Variants in GJC1 observed in about 807,000 individuals in gnomAD.
GJC1 encodes the protein gap junction gamma-1 protein.
In GJC1, 5 loss-of-function variants were observed where a neutral mutation model predicts 29.3. The ratio of observed to expected loss-of-function variants is 0.17; its 90% CI spans 0.09 to 0.36. The LOEUF (loss-of-function observed/expected upper bound fraction) is 0.36. Ranked by LOEUF, GJC1 falls within the 10% of genes least tolerant of loss-of-function variation. GJC1 has a pLI of 1.00. For missense variants in GJC1, 310 were observed against 496.2 expected (o/e 0.62, Z 3.56); for synonymous variants, 177 against 183.3 (o/e 0.97, Z 0.28).
chr17:44,828,076 A>T (rs2050195126), intron 1 of GJC1, among the ~76,000 whole-genome samples: 2 of 152,206 alleles, frequency 1.3e-5, no homozygotes, highest in African/African-American at 4.8e-5. Flanking sequence ...TTGATAGGCA[A>T]GCCTGGACCT....
intron 1 of GJC1, among the ~76,000 whole-genome samples, chr17:44,828,165 T>G (rs1168135012): frequency 2.0e-5 from 3 of 152,164 alleles, no homozygotes; most frequent in East Asian, 1.9e-4. Context: ...AGAATAAAAT[T>G]TAATTGACAA....
chr17:44,811,077 TTC>T (rs1380407137), intron 1 of GJC1, among the ~76,000 whole-genome samples: 1 of 151,412 alleles, frequency 6.6e-6, no homozygotes, highest in Non-Finnish European at 1.5e-5. Flanking sequence ...CCAATATAAT[TTC>T]TTTCTTTTTT....
downstream of GJC1, among the ~76,000 whole-genome samples, chr17:44,797,381 A>T (rs2145275366): frequency 6.6e-6 from 1 of 152,300 alleles, no homozygotes; most frequent in East Asian, 1.9e-4. Flanking sequence ...GTATGTTAAT[A>T]GCATTCCTGT....
Position 44,801,416 on chromosome 17 carries a change from C to T in GJC1, c.*3211G>A, listed in dbSNP as rs1201096928. The T allele has an allele frequency of 6.6e-6, 1 of 152,144 alleles. No individual in the cohort carries two copies. The highest frequency in any genetic ancestry group is 1.5e-5 in the Non-Finnish European group (1 of 68,026). 9.4% of individuals were successfully genotyped at this position (152,144 alleles called of 1,614,324 possible). Reference sequence around the variant, plus strand: ...ACTCAACTTGTATTTGGAGGAGAAGCAAGTGTCATGATGGAGCATGTCTTA... The same window carrying T: ...ACTCAACTTGTATTTGGAGGAGAAGTAAGTGTCATGATGGAGCATGTCTTA... On this transcript the variant is annotated 3_prime_UTR_variant, in exon 3 of 3. Coordinates refer to ENST00000592524, the MANE Select transcript of GJC1 (RefSeq NM_005497.4).
rs2049908006 is a variant in GJC1, at chr17:44,805,937, T to C, written c.-20-100A>G. ...TCTAGGAACTACTGCTTTGAATACT[T>C]GAAATCTAACCTCAAGGTTCACAGT... On this transcript the variant is annotated intron_variant, in intron 2 of 2. Transcript: ENST00000592524. This position sits in a 1 kb window ranked among gnomAD's most constrained non-coding sequence, Gnocchi z 5.1. 1.6e-6 allele frequency: 1 copy of C among 636,852 alleles called. No individual in the cohort carries two copies. Among genetic ancestry groups the C allele is most frequent in the Non-Finnish European group, 2.7e-6 (1 of 372,360 alleles). 39.5% of individuals were successfully genotyped at this position (636,852 alleles called of 1,614,324 possible).
intron 1 of GJC1, among the ~76,000 whole-genome samples, chr17:44,823,660 C>G (rs2050137984): frequency 6.6e-6 from 1 of 151,892 alleles, no homozygotes; most frequent in African/African-American, 2.4e-5. Context: ...GCCATGACCT[C>G]CAGAAGAGCT....
Position 44,804,515 on chromosome 17 carries a change from A to G in GJC1, c.*112T>C. The G allele has an allele frequency of 1.2e-6, 1 of 868,112 alleles. No individual in the cohort carries two copies. The highest frequency in any genetic ancestry group is 1.8e-6 in the Non-Finnish European group (1 of 552,354). The allele number at this position is 868,112 out of a possible 1,614,324, so 53.8% of individuals were successfully genotyped here. ...TCCCCTGAGCTTGGATCATGAGCCA[A>G]CAGCATCCCTGAAGATAACCAGAGC... On this transcript the variant is annotated 3_prime_UTR_variant, in exon 3 of 3. Coordinates refer to ENST00000592524, the MANE Select transcript of GJC1 (RefSeq NM_005497.4).
intron 1 of GJC1, among the ~76,000 whole-genome samples, chr17:44,816,558 A>G (rs1358021655): frequency 6.6e-6 from 1 of 152,062 alleles, no homozygotes; most frequent in African/African-American, 2.4e-5. Flanking sequence ...CTGGAGTGCA[A>G]TGGCGAAGTC....
intron 1 of GJC1, among the ~76,000 whole-genome samples, chr17:44,812,440 A>G (rs1421220280): frequency 1.3e-5 from 2 of 152,204 alleles, no homozygotes; most frequent in Non-Finnish European, 2.9e-5. Flanking sequence ...CCTACTGTTC[A>G]AGATCATTGC....
At chr17:44,812,687 G>A (rs56768173) in intron 1 of GJC1, among the ~76,000 whole-genome samples, 4,959 of 150,952 alleles carry the variant, frequency 0.033, 169 homozygotes, top group African/African-American at 0.068. Context: ...TCTCACTGTC[G>A]CCCAGGCTGG....
At position 44,802,360 on chromosome 17, in the gene GJC1, C is replaced by T. The variant is rs1429702447; in HGVS notation, c.*2267G>A. On this transcript the variant is annotated 3_prime_UTR_variant, in exon 3 of 3. Transcript: ENST00000592524. ...TGAAGAGATAACACAAATGTATGGA[C>T]ACTTTTTGTCCTTCAATTAAAAAAC... 6.6e-6 allele frequency: 1 copy of T among 152,176 alleles called. No individual in the cohort carries two copies. Among genetic ancestry groups the T allele is most frequent in the East Asian group, 1.9e-4 (1 of 5,202 alleles). The allele number at this position is 152,176 out of a possible 1,614,324, so 9.4% of individuals were successfully genotyped here.
At chr17:44,826,034 C>G (rs112854298) in intron 1 of GJC1, among the ~76,000 whole-genome samples, 1 of 152,058 alleles carries the variant, frequency 6.6e-6, no homozygotes, top group South Asian at 2.1e-4. Flanking sequence ...CATTTGCCTG[C>G]CTCAGCCTCC....
In GJC1 at chr17:44,816,099, C is replaced by T. The variant is rs1289676855; in HGVS notation, c.-96-8630G>A. ...CTGCACTCCAGCCTGGGTGACAGAGCGACACTCCGTCTCAAAAAAAAAAAA... is the reference window on the plus strand; with the variant it reads ...CTGCACTCCAGCCTGGGTGACAGAGTGACACTCCGTCTCAAAAAAAAAAAA... On this transcript the variant is annotated intron_variant, in intron 1 of 2. Coordinates refer to ENST00000592524, the MANE Select transcript of GJC1 (RefSeq NM_005497.4). Among the ~76,000 whole-genome samples, 8 of 116,108 alleles carry T rather than the reference C, an allele frequency of 6.9e-5. No homozygotes were observed. The Admixed American group carries it at 7.6e-4, about 11-fold the overall frequency. 76.2% of individuals were successfully genotyped at this position (116,108 alleles called of 152,430 possible).
Position 44,804,598 on chromosome 17 carries a change from GA to G in GJC1, c.*28del, listed in dbSNP as rs762061074. 14 of 1,515,626 alleles carry G rather than the reference GA, an allele frequency of 9.2e-6. No individual in the cohort carries two copies. Among genetic ancestry groups the G allele is most frequent in the Non-Finnish European group, 1.3e-5 (14 of 1,104,208 alleles). The allele number at this position is 1,515,626 out of a possible 1,614,324, so 93.9% of individuals were successfully genotyped here. On this transcript the variant is annotated 3_prime_UTR_variant, in exon 3 of 3. Coordinates refer to ENST00000592524, the MANE Select transcript of GJC1 (RefSeq NM_005497.4). ...TGAGCTGCTGCTTACCATAAACTAT[GA>G]AAAGCACAGGTTTTAAGCCCGCCAG...
chr17:44,806,939 C>T (rs2049919762), intron 2 of GJC1, among the ~76,000 whole-genome samples: 1 of 152,114 alleles, frequency 6.6e-6, no homozygotes. Flanking sequence ...TCATTAAGAA[C>T]TAAAACAAAA....
At chr17:44,797,024 A>AT (rs1180032496), downstream of GJC1, among the ~76,000 whole-genome samples, 1 of 151,732 alleles carries the variant, frequency 6.6e-6, no homozygotes, top group Non-Finnish European at 1.5e-5. Flanking sequence ...TTTTTTGCTT[A>AT]TTTTTTGTAG....
intron 1 of GJC1, among the ~76,000 whole-genome samples, chr17:44,814,712 G>T (rs1408003587): frequency 6.6e-6 from 1 of 152,052 alleles, no homozygotes; most frequent in Non-Finnish European, 1.5e-5. Flanking sequence ...GGAGGCCAAG[G>T]CAGGTGGATC....
rs189429452 is a variant in GJC1, at chr17:44,823,679, T to C, written c.-97+6383A>G. Among the ~76,000 whole-genome samples, 37 of 151,766 alleles carry C rather than the reference T, an allele frequency of 2.4e-4. No individual in the cohort carries two copies. In the East Asian group the frequency reaches 6.2e-3, roughly 25 times the overall value. On this transcript the variant is annotated intron_variant, in intron 1 of 2. Coordinates refer to ENST00000592524, the MANE Select transcript of GJC1 (RefSeq NM_005497.4). ...TGACCTCCAGAAGAGCTGTGATTAC[T>C]GGTGTGAGGCACCATGCCTGGCCTT...
intron 1 of GJC1, among the ~76,000 whole-genome samples, chr17:44,823,248 G>GTTTGT (rs757251678): frequency 6.8e-5 from 8 of 117,832 alleles, no homozygotes; most frequent in African/African-American, 2.7e-4. Context: ...TTTCTTTCCT[G>GTTTGT]TTTTTTTTTT....
Sources: gnomAD v4.1 joint callset for allele counts (sites outside exome capture counted in the v4.1 genomes callset) on GRCh38, gnomAD v4.1.1 for gene constraint, Gnocchi (gnomAD v3.1) non-coding constraint, MANE v1.5 for transcripts, NCBI Gene and HGNC (gene_info 2026-07-23, HGNC 2026-07-21) for gene names.